Variants in CRABP1 observed in about 807,000 individuals in gnomAD.
CRABP1 encodes cellular retinoic acid binding protein 1, also known as cellular retinoic acid-binding protein 1.
Under a neutral mutation model 16.4 loss-of-function variants are expected in CRABP1, and 9 were observed. That is an observed-to-expected ratio of 0.55 (90% CI 0.33 to 0.96). The LOEUF (loss-of-function observed/expected upper bound fraction) is 0.96, where lower values mean the gene tolerates loss of function less well. Among genes scored for constraint, CRABP1 ranks in the 40% least tolerant of loss-of-function variants. The pLI, the probability that CRABP1 is intolerant of heterozygous loss-of-function variation, is 0.03. For missense variants in CRABP1, 157 were observed against 186.0 expected (o/e 0.84, Z 0.91); for synonymous variants, 72 against 70.4 (o/e 1.02, Z -0.11).
rs2050276920 is a variant in CRABP1 at position 78,348,032 on chromosome 15, A to G, written c.*55A>G. ...AGGGATGCAGGCTCCCCTGAGGAAT[A>G]TGTCATAGTTCTGAGCTGCCAGTGG... On this transcript the variant is annotated 3_prime_UTR_variant, in exon 4 of 4. Transcript: ENST00000299529. 1.9e-6 allele frequency: 3 copies of G among 1,561,486 alleles called. No individual in the cohort carries two copies. The highest frequency in any genetic ancestry group is 2.6e-6 in the Non-Finnish European group (3 of 1,135,014).
At chr15:78,340,729 T>G (rs777105448) in intron 1 of CRABP1, 102 of 605,154 alleles carry the variant, frequency 1.7e-4, no homozygotes, top group Non-Finnish European at 8.7e-5. Context: ...GGCGCCCTCC[T>G]CGATGGTGCG....
At position 78,341,102 on chromosome 15, in the gene CRABP1, A is replaced by G; in HGVS notation, c.130A>G (p.Ile44Val). Residue 44 changes from isoleucine (I) to valine (V), a missense_variant, in exon 2 of 4, where the codon ATC (isoleucine) becomes GTC (valine). Coordinates refer to ENST00000299529, the MANE Select transcript of CRABP1 (RefSeq NM_004378.3). This position sits in a 1 kb window ranked among gnomAD's most constrained non-coding sequence, Gnocchi z 5.3. The part of the protein sequence containing the change: ...VAAASKPHVE[I>V]RQDGDQFYIK... ...GGCTGCGTCCAAGCCGCACGTGGAG[A>G]TCCGCCAGGACGGGGATCAGTTCTA... 1 of 1,612,896 alleles carries G rather than the reference A, an allele frequency of 6.2e-7. No homozygotes were observed.
At chr15:78,340,559 C>G in intron 1 of CRABP1, 61 bp downstream of exon 1, 1 of 1,562,432 alleles carries the variant, frequency 6.4e-7, no homozygotes, top group Non-Finnish European at 8.7e-7. Flanking sequence ...GCCCTGGTCC[C>G]GGAAGTGCCC....
intron 3 of CRABP1, among the ~76,000 whole-genome samples, chr15:78,344,783 G>A (rs2050256392): frequency 6.6e-6 from 1 of 151,434 alleles, no homozygotes; most frequent in Non-Finnish European, 1.5e-5. Context: ...TGAGTGTGGT[G>A]GCACATGCTT....
intron 3 of CRABP1, among the ~76,000 whole-genome samples, chr15:78,347,304 G>A (rs569161994): frequency 1.9e-4 from 29 of 152,282 alleles, no homozygotes; most frequent in African/African-American, 6.3e-4. Flanking sequence ...AACAGGCCAC[G>A]AGAGGAAAAC....
chr15:78,346,956 C>T (rs773220374), intron 3 of CRABP1, among the ~76,000 whole-genome samples: 5 of 151,584 alleles, frequency 3.3e-5, no homozygotes, highest in East Asian at 1.9e-4. Context: ...ATCAGGTTTA[C>T]AGACTGGGGA....
chr15:78,341,023 C>A lies in CRABP1; in HGVS notation c.71-20C>A. On this transcript the variant is annotated intron_variant, in intron 1 of 3. Transcript: ENST00000299529. This position sits in a 1 kb window ranked among gnomAD's most constrained non-coding sequence, Gnocchi z 5.3. ...GGCGGCGAGGCCCCGTGACCCAAGC[C>A]TGTGGTGCACCCTGCGCAGGTGTGA... 6.3e-7 allele frequency: 1 copy of A among 1,596,996 alleles called. No homozygotes were observed. Among genetic ancestry groups the A allele is most frequent in the Non-Finnish European group, 8.5e-7 (1 of 1,174,410 alleles).
chr15:78,343,622 C>A lies in CRABP1; in HGVS notation c.363+10C>A, dbSNP rs752775641. 5.0e-6 allele frequency: 8 copies of A among 1,611,536 alleles called. No individual in the cohort carries two copies. The highest frequency in any genetic ancestry group is 3.3e-5 in the South Asian group (3 of 90,972). On this transcript the variant is annotated intron_variant, in intron 3 of 3. Coordinates refer to ENST00000299529, the MANE Select transcript of CRABP1 (RefSeq NM_004378.3). ...CGATGAACTTATCCTGGTAGGGAAC[C>A]CTTGACCCTGAAATAATCCTGAAGT...
rs775595239 is a variant in CRABP1 at position 78,347,976 on chromosome 15, G to A, written c.413G>A (p.Ter138=). The A allele has an allele frequency of 1.2e-6, 2 of 1,614,170 alleles. No homozygotes were observed. Among genetic ancestry groups the A allele is most frequent in the South Asian group, 2.2e-5 (2 of 91,080 alleles). ...VVCTRIYVRE[*] ...TGCACCAGAATTTATGTCCGAGAGT[G>A]AAGGCAGCTGGCTTGCTCCTACTTT... Residue 138 remains the stop codon, a stop_retained_variant, in exon 4 of 4, where the codon TGA becomes TAA. Transcript: ENST00000299529.
chr15:78,340,520 G>A, intron 1 of CRABP1, 22 bp downstream of exon 1: 1 of 1,598,626 alleles, frequency 6.3e-7, no homozygotes, highest in Non-Finnish European at 8.5e-7. Context: ...CAGAGGGCGC[G>A]CCCCGACGGG....
At chr15:78,346,366 C>T (rs888219995) in intron 3 of CRABP1, among the ~76,000 whole-genome samples, 5 of 152,068 alleles carry the variant, frequency 3.3e-5, no homozygotes, top group African/African-American at 4.8e-5. Context: ...TCAGGAGATC[C>T]CTAGCATGAA....
Position 78,343,276 on chromosome 15 carries a change from A to AGT in CRABP1, c.250-210_250-209dup, listed in dbSNP as rs141389093. On this transcript the variant is annotated intron_variant, in intron 2 of 3. Transcript: ENST00000299529. ...AAGAGATTGTTTGTGTGTGCTTGTGAGTGTGTGTGTGTGTTATACAAGGTG... is the reference window on the plus strand; with the variant it reads ...AAGAGATTGTTTGTGTGTGCTTGTGAGTGTGTGTGTGTGTGTTATACAAGGTG... Among the ~76,000 whole-genome samples the AGT allele has an allele frequency of 1.2e-3, 188 of 151,732 alleles. 3 individuals are homozygous for AGT. Among genetic ancestry groups the AGT allele is most frequent in the South Asian group, 0.011 (54 of 4,788 alleles).
intron 3 of CRABP1, among the ~76,000 whole-genome samples, chr15:78,345,637 G>C (rs1013289205): frequency 6.6e-6 from 1 of 152,130 alleles, no homozygotes; most frequent in Non-Finnish European, 1.5e-5. Flanking sequence ...AATTCTGCTA[G>C]ATGGACCCCA....
chr15:78,340,609 A>G, intron 1 of CRABP1, 111 bp downstream of exon 1: 1 of 1,257,670 alleles, frequency 8.0e-7, no homozygotes, highest in Non-Finnish European at 1.1e-6. Context: ...CCCAGGCAGG[A>G]GGGAGTCCCC....
Position 78,341,331 on chromosome 15 carries a change from T to G in CRABP1, c.249+110T>G, listed in dbSNP as rs898869608. On this transcript the variant is annotated intron_variant, in intron 2 of 3. Transcript: ENST00000299529. The surrounding 1 kb of genome is among the most constrained non-coding windows in gnomAD (Gnocchi z 5.3). ...TTTGCAGCCTGTGGCGCGCCTTCCT[T>G]GCAGGGTGTGTACACTGGCTGTTTG... 1.2e-5 allele frequency: 15 copies of G among 1,286,296 alleles called. No individual in the cohort carries two copies. Among genetic ancestry groups the G allele is most frequent in the Non-Finnish European group, 1.7e-5 (15 of 906,686 alleles). The allele number at this position is 1,286,296 out of a possible 1,614,324, so 79.7% of individuals were successfully genotyped here.
At chr15:78,344,299 A>G (rs1159465357) in intron 3 of CRABP1, among the ~76,000 whole-genome samples, 2 of 152,138 alleles carry the variant, frequency 1.3e-5, no homozygotes, top group Non-Finnish European at 2.9e-5. Context: ...CGTCTCTACT[A>G]AAAATACAAA....
rs1414321925 is a variant in CRABP1, at chr15:78,341,116, G to A, written c.144G>A (p.Gly48=). ...SKPHVEIRQD[G]DQFYIKTSTT... ...CGCACGTGGAGATCCGCCAGGACGG[G>A]GATCAGTTCTACATCAAGACATCCA... The change falls in exon 2 of 4, where the codon GGG becomes GGA. Residue 48 remains glycine (G), a synonymous_variant. Transcript: ENST00000299529. The surrounding 1 kb of genome is among the most constrained non-coding windows in gnomAD (Gnocchi z 5.3). 6.2e-7 allele frequency: 1 copy of A among 1,613,020 alleles called. No individual in the cohort carries two copies. The highest frequency in any genetic ancestry group is 8.5e-7 in the Non-Finnish European group (1 of 1,179,776).
At chr15:78,342,566 A>C (rs1248227022) in intron 2 of CRABP1, among the ~76,000 whole-genome samples, 5 of 152,064 alleles carry the variant, frequency 3.3e-5, no homozygotes, top group African/African-American at 1.2e-4. Context: ...ACTGGGGAAA[A>C]ACTTCAGGAA....
At chr15:78,343,051 G>T (rs1004754598) in intron 2 of CRABP1, among the ~76,000 whole-genome samples, 13 of 152,000 alleles carry the variant, frequency 8.6e-5, no homozygotes, top group Admixed American at 2.6e-4. Flanking sequence ...GGAGGTGGAG[G>T]TTGTAAGGAG....
Sources: allele counts gnomAD v4.1 joint callset (sites outside exome capture counted in the v4.1 genomes callset), GRCh38; gene constraint gnomAD v4.1.1; non-coding constraint Gnocchi (gnomAD v3.1); transcripts MANE v1.5; gene names NCBI Gene and HGNC (gene_info 2026-07-23, HGNC 2026-07-21).